The following ADAMTS6 variants were observed in gnomAD, a reference collection of about 807,000 sequenced individuals.
The protein encoded by ADAMTS6 is ADAM metallopeptidase with thrombospondin type 1 motif 6.
A neutral mutation model predicts 144.3 loss-of-function variants in ADAMTS6; 23 were observed. That is an observed-to-expected ratio of 0.16 (90% CI 0.11 to 0.23). The LOEUF (loss-of-function observed/expected upper bound fraction) is 0.23. Ranked by LOEUF, ADAMTS6 falls within the 10% of genes least tolerant of loss-of-function variation. The pLI, the probability that ADAMTS6 is intolerant of heterozygous loss-of-function variation, is 1.00. For missense variants in ADAMTS6, 999 were observed against 1,379.6 expected, an observed-to-expected ratio of 0.72 and a Z score of 4.37; for synonymous variants, 444 against 457.5, an observed-to-expected ratio of 0.97 and a Z score of 0.38.
rs775081456 is a variant in ADAMTS6, at chr5:65,320,648, CCTGA to C, written c.1223+8726_1223+8729del. Among the ~76,000 whole-genome samples, 229 of 151,524 alleles carry C rather than the reference CCTGA, an allele frequency of 1.5e-3. 4 individuals carry two copies. Among genetic ancestry groups the C allele is most frequent in the Non-Finnish European group, 3.7e-4 (25 of 67,936 alleles). ...GGGGGTCTGTTTTATAGGTTATTTC[CCTGA>C]CTAATACATCCAGGTTTAAAAAGCC... On this transcript the variant is annotated intron_variant, in intron 9 of 24. Coordinates refer to ENST00000381055, the MANE Select transcript of ADAMTS6 (RefSeq NM_197941.4).
intron 1 of ADAMTS6, among the ~76,000 whole-genome samples, 171 bp downstream of exon 1, chr5:65,481,172 T>C (rs1489375147): frequency 6.9e-6 from 1 of 145,160 alleles, no homozygotes; most frequent in Admixed American, 6.9e-5. Flanking sequence ...GTTAAAAAGA[T>C]ATCTATTTGT....
At chr5:65,164,429 T>G (rs1201186635) in intron 24 of ADAMTS6, among the ~76,000 whole-genome samples, 40 of 147,642 alleles carry the variant, frequency 2.7e-4, no homozygotes, top group Middle Eastern at 7.2e-3. Context: ...GAGATCAAAT[T>G]GCAAGGCGGC....
intron 7 of ADAMTS6, among the ~76,000 whole-genome samples, chr5:65,384,236 C>A (rs921496156): frequency 3.9e-5 from 6 of 152,204 alleles, no homozygotes; most frequent in African/African-American, 1.4e-4. Context: ...TACCATATAG[C>A]CAGGCTGAGA....
intron 12 of ADAMTS6, among the ~76,000 whole-genome samples, chr5:65,273,121 A>G (rs1762185825): frequency 6.6e-6 from 1 of 152,224 alleles, no homozygotes. Context: ...ACCAAAATAA[A>G]GGTGAAACTG....
intron 14 of ADAMTS6, among the ~76,000 whole-genome samples, chr5:65,244,595 G>A (rs566386441): frequency 2.6e-5 from 4 of 152,160 alleles, no homozygotes; most frequent in African/African-American, 9.6e-5. Context: ...TATTTACTAA[G>A]TACTTATTAT....
At position 65,149,618 on chromosome 5, in the gene ADAMTS6, C is replaced by T. The variant is rs1189571113; in HGVS notation, c.*2218G>A. On this transcript the variant is annotated 3_prime_UTR_variant, in exon 25 of 25. Transcript: ENST00000381055. ...GGTGAGGTAAAAAATAGCTTTTAGT[C>T]GGTAATAAGAAATCTTTTTGAAATA... The T allele has an allele frequency of 6.6e-6, 1 of 152,432 alleles. No homozygotes were observed. The highest frequency in any genetic ancestry group is 6.6e-5 in the Admixed American group (1 of 15,262). 9.4% of individuals were successfully genotyped at this position (152,432 alleles called of 1,614,324 possible).
At chr5:65,430,945 C>G (rs1388985012) in intron 7 of ADAMTS6, among the ~76,000 whole-genome samples, 2 of 152,042 alleles carry the variant, frequency 1.3e-5, no homozygotes, top group Admixed American at 6.6e-5. Context: ...AAATTGTGTA[C>G]TTATTTGTTT....
At chr5:65,213,286 T>C (rs1756664011) in intron 20 of ADAMTS6, among the ~76,000 whole-genome samples, 1 of 152,204 alleles carries the variant, frequency 6.6e-6, no homozygotes, top group Admixed American at 6.5e-5. Context: ...TCATGTTGTA[T>C]AGACTTTATA....
At chr5:65,478,568 T>C (rs1352492537) in intron 1 of ADAMTS6, among the ~76,000 whole-genome samples, 1 of 152,196 alleles carries the variant, frequency 6.6e-6, no homozygotes, top group Non-Finnish European at 1.5e-5. Flanking sequence ...TTAAGCTAAA[T>C]AATATTAGCC....
chr5:65,335,397 G>A (rs1248057070), intron 7 of ADAMTS6, among the ~76,000 whole-genome samples: 4 of 152,082 alleles, frequency 2.6e-5, no homozygotes, highest in Non-Finnish European at 4.4e-5. Context: ...TGTACTCATC[G>A]AAGCACCATA....
chr5:65,348,877 G>A (rs1050848738), intron 7 of ADAMTS6, among the ~76,000 whole-genome samples: 4 of 151,882 alleles, frequency 2.6e-5, no homozygotes, highest in African/African-American at 9.7e-5. Context: ...AACTATACTT[G>A]ATACCAGCAT....
chr5:65,219,750 T>A (rs942145476), intron 18 of ADAMTS6, among the ~76,000 whole-genome samples: 2 of 152,108 alleles, frequency 1.3e-5, no homozygotes, highest in African/African-American at 4.8e-5. Context: ...CATTTGAAAA[T>A]CATAAAATGC....
chr5:65,326,207 C>G (rs922155354), intron 9 of ADAMTS6, among the ~76,000 whole-genome samples: 9 of 151,800 alleles, frequency 5.9e-5, no homozygotes, highest in Admixed American at 5.9e-4. Context: ...TTCTTGCCAC[C>G]CCTCTTTGAC....
At chr5:65,343,664 A>C (rs1748061053) in intron 7 of ADAMTS6, among the ~76,000 whole-genome samples, 1 of 152,108 alleles carries the variant, frequency 6.6e-6, no homozygotes, top group Admixed American at 6.6e-5. Context: ...AAACCTCAAA[A>C]GCACAGGCCA....
intron 3 of ADAMTS6, among the ~76,000 whole-genome samples, chr5:65,469,893 C>G (rs189292713): frequency 2.9e-4 from 44 of 152,274 alleles, no homozygotes; most frequent in African/African-American, 1.1e-3. Context: ...ACCCTTTTCA[C>G]AGATACAGCT....
intron 18 of ADAMTS6, 148 bp downstream of exon 18, chr5:65,224,172 A>G (rs955815676): frequency 6.2e-6 from 4 of 649,588 alleles, no homozygotes; most frequent in Admixed American, 2.5e-5. Context: ...TTAGCATTGT[A>G]TATGTGTTCT....
chr5:65,357,181 G>T (rs2150098661), intron 7 of ADAMTS6, among the ~76,000 whole-genome samples: 1 of 151,868 alleles, frequency 6.6e-6, no homozygotes, highest in South Asian at 2.1e-4. Context: ...TCACAAATAT[G>T]TGGAAATTAA....
At chr5:65,203,110 C>T (rs1276162013) in intron 20 of ADAMTS6, among the ~76,000 whole-genome samples, 1 of 152,226 alleles carries the variant, frequency 6.6e-6, no homozygotes, top group East Asian at 1.9e-4. Flanking sequence ...TTTCAAGTGC[C>T]TAAGTTTGTA....
chr5:65,327,334 A>G (rs555502623), intron 9 of ADAMTS6, among the ~76,000 whole-genome samples: 5 of 152,292 alleles, frequency 3.3e-5, no homozygotes, highest in Middle Eastern at 3.4e-3. Flanking sequence ...TTAGAGCAAC[A>G]CAAAACAGAC....
Sources: gnomAD v4.1 joint callset for allele counts (sites outside exome capture counted in the v4.1 genomes callset) on GRCh38, gnomAD v4.1.1 for gene constraint, MANE v1.5 for transcripts, NCBI Gene and HGNC (gene_info 2026-07-23, HGNC 2026-07-21) for gene names.